Variants in USH2A observed in about 807,000 individuals in gnomAD.
USH2A encodes usherin, also known as Usher syndrome 2A (autosomal recessive, mild).
USH2A carries 443 observed loss-of-function variants against 538.9 expected under a neutral mutation model. That is an observed-to-expected ratio of 0.82 (90% CI 0.76 to 0.89). USH2A has a LOEUF of 0.89. USH2A is among the 40% of genes least tolerant of loss of function. The pLI, the probability that USH2A is intolerant of heterozygous loss-of-function variation, is 0.00. For synonymous variants in USH2A, 2,413 were observed against 2,273.5 expected (o/e 1.06, Z -1.75); for missense variants, 6,633 against 6,324.8 (o/e 1.05, Z -1.65).
At chr1:216,213,524 T>G (rs1443556444) in intron 15 of USH2A, among the ~76,000 whole-genome samples, 1 of 152,008 alleles carries the variant, frequency 6.6e-6, no homozygotes, top group Non-Finnish European at 1.5e-5. Context: ...GATACCTATG[T>G]GTCAAAAAAT....
chr1:215,867,346 A>G (rs910969470), intron 43 of USH2A, among the ~76,000 whole-genome samples, 176 bp from the exon 44 acceptor site: 2 of 152,326 alleles, frequency 1.3e-5, no homozygotes, highest in Admixed American at 6.5e-5. Flanking sequence ...TACACAACAC[A>G]TATCATTAAT....
At chr1:216,124,325 T>G (rs944469502) in intron 21 of USH2A, among the ~76,000 whole-genome samples, 5 of 151,918 alleles carry the variant, frequency 3.3e-5, no homozygotes, top group South Asian at 2.1e-4. Context: ...GTATCAAAGC[T>G]GACAGAAAAC....
intron 32 of USH2A, among the ~76,000 whole-genome samples, chr1:216,044,116 T>C (rs963279922): frequency 1.3e-5 from 2 of 152,148 alleles, no homozygotes; most frequent in African/African-American, 2.4e-5. Context: ...ATGATCATTA[T>C]GGTTCAGCAG....
chr1:216,295,915 A>G lies in USH2A; in HGVS notation c.1645-3545T>C, dbSNP rs117303680. On this transcript the variant is annotated intron_variant, in intron 9 of 71. Coordinates refer to ENST00000307340, the MANE Select transcript of USH2A (RefSeq NM_206933.4). ...ATTTAGTATTTTAGAACAGTTTGACATATTTCATAATCATCATTGGAACAT... is the reference window on the plus strand; with the variant it reads ...ATTTAGTATTTTAGAACAGTTTGACGTATTTCATAATCATCATTGGAACAT... Among the ~76,000 whole-genome samples the G allele has an allele frequency of 3.1e-4, 47 of 152,164 alleles. 1 individual carries two copies. The East Asian group carries it at 8.5e-3, about 27-fold the overall frequency.
chr1:216,096,187 T>TTC (rs1558256347), intron 22 of USH2A, among the ~76,000 whole-genome samples: 1 of 152,200 alleles, frequency 6.6e-6, no homozygotes, highest in Non-Finnish European at 1.5e-5. Context: ...ATGACTTGGT[T>TTC]TCTACCCAGC....
intron 38 of USH2A, among the ~76,000 whole-genome samples, chr1:215,933,635 T>G (rs1022519947): frequency 2.0e-5 from 3 of 151,962 alleles, no homozygotes; most frequent in Non-Finnish European, 4.4e-5. Context: ...CCTTTTATTT[T>G]TCTCCAGTGA....
In USH2A at chr1:215,674,996, C is replaced by T; in HGVS notation, c.12915G>A (p.Met4305Ile). 6.2e-7 allele frequency: 1 copy of T among 1,614,138 alleles called. No homozygotes were observed. The highest frequency in any genetic ancestry group is 1.1e-5 in the South Asian group (1 of 91,078). The change falls in exon 63 of 72, where the codon ATG (methionine) becomes ATA (isoleucine). Residue 4305 changes from methionine to isoleucine, a missense_variant. Physicochemically the swap from Met to Ile is conservative, Grantham distance 10. Coordinates refer to ENST00000307340, the MANE Select transcript of USH2A (RefSeq NM_206933.4). ...CAGGATCAAAGCTAAAAGGATAGAGCATTTCATTCCTTTGAAGCCTATAGG... is the reference window on the plus strand; with the variant it reads ...CAGGATCAAAGCTAAAAGGATAGAGTATTTCATTCCTTTGAAGCCTATAGG... ...IQSYRLQRNE[M>I]LYPFSFDPVT...
intron 71 of USH2A, among the ~76,000 whole-genome samples, chr1:215,628,314 T>G (rs1384848651): frequency 2.6e-5 from 4 of 151,574 alleles, no homozygotes; most frequent in Non-Finnish European, 5.9e-5. Context: ...TGAGATGGAG[T>G]CTCTGTCACC....
intron 16 of USH2A, chr1:216,201,747 C>G (rs566254728): frequency 3.1e-5 from 7 of 225,400 alleles, no homozygotes; most frequent in African/African-American, 1.6e-4. Context: ...AGAGATGACC[C>G]TGATAGAGCC....
At chr1:215,677,078 T>C (rs1439347999) in intron 62 of USH2A, among the ~76,000 whole-genome samples, 5 of 152,222 alleles carry the variant, frequency 3.3e-5, no homozygotes, top group Non-Finnish European at 5.9e-5. Flanking sequence ...TGATTGATTG[T>C]TGACATAACC....
Position 215,883,206 on chromosome 1 carries a change from C to G in USH2A, c.8224-4108G>C, listed in dbSNP as rs1249883845. On this transcript the variant is annotated intron_variant, in intron 41 of 71. Coordinates refer to ENST00000307340, the MANE Select transcript of USH2A (RefSeq NM_206933.4). ...GGTAAAAACCGTAATTACTTTTGCA[C>G]CAACCTAATATATCCTCTTACCTAA... Among the ~76,000 whole-genome samples, 3 of 152,116 alleles carry G rather than the reference C, an allele frequency of 2.0e-5. No homozygotes were observed. The East Asian group carries it at 5.8e-4, about 29-fold the overall frequency.
intron 61 of USH2A, among the ~76,000 whole-genome samples, chr1:215,682,465 T>A (rs748824922): frequency 6.6e-6 from 1 of 152,194 alleles, no homozygotes; most frequent in Non-Finnish European, 1.5e-5. Flanking sequence ...GAGTACTTAA[T>A]GATTAACAAC....
chr1:215,838,461 T>C (rs17025482), intron 46 of USH2A, among the ~76,000 whole-genome samples: 7,172 of 152,316 alleles, frequency 0.047, 268 homozygotes, highest in South Asian at 0.14. Context: ...CTCACTGTTC[T>C]CTAAATCTAT....
chr1:215,813,270 G>T (rs2102792535), intron 49 of USH2A, among the ~76,000 whole-genome samples: 1 of 152,258 alleles, frequency 6.6e-6, no homozygotes, highest in South Asian at 2.1e-4. Flanking sequence ...CCTGACTTAT[G>T]ATGAGAGAAT....
intron 32 of USH2A, among the ~76,000 whole-genome samples, chr1:216,028,405 T>G (rs535871918): frequency 6.6e-6 from 1 of 151,772 alleles, no homozygotes; most frequent in Non-Finnish European, 1.5e-5. Context: ...AATGAATAAA[T>G]AAATAAATAA....
chr1:216,418,637 T>C lies in USH2A; in HGVS notation c.528A>G (p.Lys176=), dbSNP rs751865771. 11 of 1,613,112 alleles carry C rather than the reference T, an allele frequency of 6.8e-6. No homozygotes were observed. Among genetic ancestry groups the C allele is most frequent in the Non-Finnish European group, 5.1e-6 (6 of 1,179,530 alleles). Residue 176 remains lysine, a synonymous_variant, in exon 3 of 72, where the codon AAA becomes AAG. Transcript: ENST00000307340. The part of the protein sequence containing the change: ...EKTVDGQIVF[K]LTISEKETMF... ...TGGTCTCTTTCTCAGATATTGTAAGTTTGAACACAATCTGCCCATCTACTG... is the reference window on the plus strand; with the variant it reads ...TGGTCTCTTTCTCAGATATTGTAAGCTTGAACACAATCTGCCCATCTACTG...
In USH2A at chr1:215,931,070, A is replaced by C. The variant is rs147543160; in HGVS notation, c.7300+3546T>G. Among the ~76,000 whole-genome samples the C allele has an allele frequency of 4.3e-3, 648 of 152,078 alleles. 4 individuals carry two copies. The highest frequency in any genetic ancestry group is 0.014 in the African/African-American group (598 of 41,548). On this transcript the variant is annotated intron_variant, in intron 38 of 71. Transcript: ENST00000307340. ...AGAAGTAGGGAAGGATCTGCTACAT[A>C]ATTGGAAAAAACAGAGACGCCCCTC...
intron 21 of USH2A, among the ~76,000 whole-genome samples, chr1:216,171,194 T>A (rs1056032895): frequency 6.6e-5 from 10 of 152,056 alleles, no homozygotes; most frequent in Non-Finnish European, 1.3e-4. Context: ...TCTAGGTGTT[T>A]TTTTAACTCA....
At chr1:215,834,906 G>A (rs1663432660) in intron 47 of USH2A, among the ~76,000 whole-genome samples, 1 of 149,536 alleles carries the variant, frequency 6.7e-6, no homozygotes, top group South Asian at 2.1e-4. Flanking sequence ...GTGTTTCATT[G>A]CATTTTCAGA....
Sources: gnomAD v4.1 joint callset for allele counts (sites outside exome capture counted in the v4.1 genomes callset) on GRCh38, gnomAD v4.1.1 for gene constraint, MANE v1.5 for transcripts, NCBI Gene and HGNC (gene_info 2026-07-23, HGNC 2026-07-21) for gene names.